Variants in CLMP observed in about 807,000 individuals in gnomAD.
CLMP encodes CXADR like cell adhesion molecule.
In CLMP, 27 loss-of-function variants were observed where a neutral mutation model predicts 45.2. The ratio of observed to expected loss-of-function variants is 0.60; its 90% CI spans 0.44 to 0.82. The LOEUF (loss-of-function observed/expected upper bound fraction) is 0.82. Among genes scored for constraint, CLMP ranks in the 40% least tolerant of loss-of-function variants. CLMP has a pLI of 0.00. For missense variants in CLMP, 403 were observed against 448.4 expected (o/e 0.90, Z 0.91); for synonymous variants, 167 against 171.4 (o/e 0.97, Z 0.20).
chr11:123,178,863 G>A (rs1356399786), intron 1 of CLMP, among the ~76,000 whole-genome samples: 4 of 152,218 alleles, frequency 2.6e-5, no homozygotes, highest in Admixed American at 1.3e-4. Flanking sequence ...GTAGAATGAG[G>A]ATTGGTGCTT....
chr11:123,186,374 T>A (rs1218386542), intron 1 of CLMP, among the ~76,000 whole-genome samples: 6 of 152,122 alleles, frequency 3.9e-5, no homozygotes, highest in Non-Finnish European at 8.8e-5. Flanking sequence ...CTCGGGGGCA[T>A]GAGTCAAGAG....
chr11:123,140,014 A>G (rs1180778151), intron 1 of CLMP, among the ~76,000 whole-genome samples: 1 of 152,192 alleles, frequency 6.6e-6, no homozygotes, highest in Non-Finnish European at 1.5e-5. Context: ...CACTGACTCA[A>G]TGGTTGGAAT....
intron 1 of CLMP, among the ~76,000 whole-genome samples, chr11:123,146,721 C>T (rs1861244104): frequency 1.3e-5 from 2 of 152,148 alleles, no homozygotes; most frequent in South Asian, 2.1e-4. Flanking sequence ...CCCCAGTTCC[C>T]CTGGTATCAT....
intron 1 of CLMP, among the ~76,000 whole-genome samples, chr11:123,148,356 A>C (rs1861267909): frequency 1.3e-5 from 2 of 152,236 alleles, no homozygotes; most frequent in African/African-American, 2.4e-5. Flanking sequence ...AATCTGAAGA[A>C]GAAGGGGAGA....
At chr11:123,106,107 T>A (rs34693658) in intron 1 of CLMP, among the ~76,000 whole-genome samples, 1 of 152,084 alleles carries the variant, frequency 6.6e-6, no homozygotes, top group Non-Finnish European at 1.5e-5. Context: ...TGAGCCACCA[T>A]GCCCTGCTAT....
intron 1 of CLMP, among the ~76,000 whole-genome samples, chr11:123,192,463 G>A (rs1861920480): frequency 1.3e-5 from 2 of 152,280 alleles, no homozygotes; most frequent in South Asian, 2.1e-4. Context: ...GGGTTACTCG[G>A]GTAGCAGTGT....
chr11:123,167,430 C>T lies in CLMP; in HGVS notation c.28+27483G>A, dbSNP rs1317882035. 7.2e-5 allele frequency among the ~76,000 whole-genome samples: 11 copies of T among 152,224 alleles called. 2 individuals are homozygous for T. The highest frequency in any genetic ancestry group is 2.4e-4 in the African/African-American group (10 of 41,542). ...CCTCCTGAGTAGCTGGGACTACAGG[C>T]GCCCACCACCACGCCTGGCTAATTT... On this transcript the variant is annotated intron_variant, in intron 1 of 6. Coordinates refer to ENST00000448775, the MANE Select transcript of CLMP (RefSeq NM_024769.5).
At chr11:123,082,602 G>GT (rs72001163) in intron 5 of CLMP, among the ~76,000 whole-genome samples, 4,376 of 141,314 alleles carry the variant, frequency 0.031, 232 homozygotes, top group East Asian at 0.2. Flanking sequence ...CGCTGGGCTG[G>GT]TTTTTTTTGT....
intron 1 of CLMP, among the ~76,000 whole-genome samples, chr11:123,150,529 AAAGAAAC>A (rs369483947): frequency 2.3e-3 from 281 of 119,780 alleles, no homozygotes; most frequent in Middle Eastern, 4.4e-3. Context: ...GGAAGGAAGG[AAAGAAAC>A]AAGCAAGGAA....
chr11:123,087,231 G>T (rs1433747471), intron 2 of CLMP, among the ~76,000 whole-genome samples: 1 of 152,160 alleles, frequency 6.6e-6, no homozygotes, highest in Non-Finnish European at 1.5e-5. Context: ...CAGCTACTCG[G>T]GAGGCTGAGG....
intron 1 of CLMP, among the ~76,000 whole-genome samples, chr11:123,153,401 T>A (rs1861368701): frequency 6.6e-6 from 1 of 152,180 alleles, no homozygotes; most frequent in South Asian, 2.1e-4. Context: ...ACCATATTTG[T>A]CCCTAAAGAT....
At chr11:123,136,108 A>G in intron 1 of CLMP, 1 of 618,160 alleles carries the variant, frequency 1.6e-6, no homozygotes, top group East Asian at 4.1e-5. Flanking sequence ...ATCTGCACGT[A>G]GCCACTATGA....
chr11:123,080,009 G>A (rs959160496), intron 5 of CLMP, among the ~76,000 whole-genome samples: 29 of 152,186 alleles, frequency 1.9e-4, no homozygotes, highest in Non-Finnish European at 3.2e-4. Flanking sequence ...TCCTAGGCTT[G>A]ACTGGTGTTG....
rs1314894356 is a variant in CLMP, at chr11:123,069,913, A to T, written c.*3561T>A. The T allele has an allele frequency of 1.3e-5, 2 of 152,234 alleles. No individual in the cohort carries two copies. Among genetic ancestry groups the T allele is most frequent in the African/African-American group, 4.8e-5 (2 of 41,470 alleles). 9.4% of individuals were successfully genotyped at this position (152,234 alleles called of 1,614,324 possible). On this transcript the variant is annotated 3_prime_UTR_variant, in exon 7 of 7. Coordinates refer to ENST00000448775, the MANE Select transcript of CLMP (RefSeq NM_024769.5). Reference sequence around the variant, plus strand: ...ATTTTTTAATTGCTGATACAGATGCATCCATAATAAATATTTGGTTTTTGT... The same window carrying T: ...ATTTTTTAATTGCTGATACAGATGCTTCCATAATAAATATTTGGTTTTTGT...
chr11:123,101,374 TG>T (rs1418407047), intron 1 of CLMP, among the ~76,000 whole-genome samples: 1 of 152,350 alleles, frequency 6.6e-6, no homozygotes, highest in African/African-American at 2.4e-5. Flanking sequence ...CCCAAAGTGC[TG>T]GGATTACAGG....
At position 123,073,723 on chromosome 11, in the gene CLMP, GGAA is replaced by G; in HGVS notation, c.870_872del (p.Ser292del). Reference sequence around the variant, plus strand: ...CAGAGCGTGAGCTCCGAGAGCCTGAGGAAGAGGAGCTGGGTTTCACAAGACGGG... The same window carrying G: ...CAGAGCGTGAGCTCCGAGAGCCTGAGGAGGAGCTGGGTTTCACAAGACGGG... On this transcript the variant is annotated inframe_deletion, in exon 7 of 7. Coordinates refer to ENST00000448775, the MANE Select transcript of CLMP (RefSeq NM_024769.5). 1 of 1,613,224 alleles carries G rather than the reference GGAA, an allele frequency of 6.2e-7. No homozygotes were observed. The highest frequency in any genetic ancestry group is 8.5e-7 in the Non-Finnish European group (1 of 1,179,574).
chr11:123,122,485 A>C (rs1347824386), intron 1 of CLMP, among the ~76,000 whole-genome samples: 1 of 152,210 alleles, frequency 6.6e-6, no homozygotes, highest in Non-Finnish European at 1.5e-5. Flanking sequence ...CCTCCGGGAA[A>C]CAGAACAGCT....
At position 123,138,076 on chromosome 11, in the gene CLMP, A is replaced by AAGCTCTGTCCTGGGCTTCTCC. The variant is rs552019468; in HGVS notation, c.29-40145_29-40125dup. Among the ~76,000 whole-genome samples the AAGCTCTGTCCTGGGCTTCTCC allele has an allele frequency of 1.3e-4, 20 of 152,160 alleles. No individual in the cohort carries two copies. In the East Asian group the frequency reaches 3.9e-3, roughly 29 times the overall value. On this transcript the variant is annotated intron_variant, in intron 1 of 6. Coordinates refer to ENST00000448775, the MANE Select transcript of CLMP (RefSeq NM_024769.5). ...CTGGCGACTCGCTAAGCAGGGGCAGAAGCTCTGTCCTGGGCTTCTCCAGCT... is the reference window on the plus strand; with the variant it reads ...CTGGCGACTCGCTAAGCAGGGGCAGAAGCTCTGTCCTGGGCTTCTCCAGCTCTGTCCTGGGCTTCTCCAGCT...
chr11:123,134,776 C>T (rs112075412), intron 1 of CLMP, among the ~76,000 whole-genome samples: 7,363 of 151,296 alleles, frequency 0.049, 207 homozygotes, highest in Middle Eastern at 0.095. Flanking sequence ...CCACTGCACT[C>T]CAGCCCGGGC....
Sources: gnomAD v4.1 joint callset for allele counts (sites outside exome capture counted in the v4.1 genomes callset) on GRCh38, gnomAD v4.1.1 for gene constraint, MANE v1.5 for transcripts, NCBI Gene and HGNC (gene_info 2026-07-23, HGNC 2026-07-21) for gene names.